Variants in DIAPH3 observed in about 807,000 individuals in gnomAD.
DIAPH3 encodes the protein diaphanous related formin 3.
DIAPH3 carries 117 observed loss-of-function variants against 144.3 expected under a neutral mutation model. That is an observed-to-expected ratio of 0.81 (90% CI 0.70 to 0.95). DIAPH3 has a LOEUF of 0.95. Ranked by LOEUF, DIAPH3 falls within the 40% of genes least tolerant of loss-of-function variation. The probability of loss-of-function intolerance (pLI) is 0.00; values close to 1 mark genes in which losing one functional copy is unlikely to be tolerated. For missense variants in DIAPH3, 1,421 were observed against 1,412.7 expected (o/e 1.01, Z -0.09); for synonymous variants, 519 against 488.9 (o/e 1.06, Z -0.81).
chr13:60,124,899 A>G (rs1373447788), intron 2 of DIAPH3, among the ~76,000 whole-genome samples: 1 of 152,012 alleles, frequency 6.6e-6, no homozygotes, highest in African/African-American at 2.4e-5. Context: ...CTCAGCGGAG[A>G]AAAGGATAGT....
chr13:59,789,723 G>A (rs79637781), intron 25 of DIAPH3, among the ~76,000 whole-genome samples: 11,866 of 152,114 alleles, frequency 0.078, 593 homozygotes, highest in South Asian at 0.18. Context: ...TGGAAGAAGG[G>A]GAAAATAAGG....
At chr13:59,771,208 A>G (rs972999304) in intron 27 of DIAPH3, among the ~76,000 whole-genome samples, 15 of 152,134 alleles carry the variant, frequency 9.9e-5, no homozygotes, top group Non-Finnish European at 2.1e-4. Flanking sequence ...GACTATAGCT[A>G]TGATTTAAGA....
In DIAPH3 at chr13:59,879,403, C is replaced by T; in HGVS notation, c.2433G>A (p.Glu811=). The T allele has an allele frequency of 6.2e-7, 1 of 1,613,866 alleles. No individual in the cohort carries two copies. The highest frequency in any genetic ancestry group is 8.5e-7 in the Non-Finnish European group (1 of 1,179,840). The change falls in exon 21 of 28, where the codon GAG becomes GAA. Residue 811 remains glutamate, a synonymous_variant. Coordinates refer to ENST00000400324, the MANE Select transcript of DIAPH3 (RefSeq NM_001042517.2). The stretch of plus-strand genomic sequence containing the variant: ...TGTCAGGTTTGATGTTGTTCACCTG[C>T]TCTTCAAACTGAAGCTTAAAGAGAA... ...SAILFKLQFE[E]QVNNIKPDIM...
Position 59,861,489 on chromosome 13 carries a change from G to A in DIAPH3, c.2655C>T (p.Phe885=). The part of the protein sequence containing the change: ...SADQKTTLLH[F]LVEICEEKYP... ...ACTTCTCTTCACATATTTCTACCAG[G>A]AAATGAAGTAGCGTTGTTTTCTGAT... The change falls in exon 22 of 28, where the codon TTC becomes TTT. Residue 885 remains phenylalanine (F), a synonymous_variant. Transcript: ENST00000400324. The A allele has an allele frequency of 6.2e-7, 1 of 1,613,678 alleles. No homozygotes were observed. The highest frequency in any genetic ancestry group is 8.5e-7 in the Non-Finnish European group (1 of 1,179,870).
chr13:59,791,368 T>C (rs2039315896), intron 25 of DIAPH3, among the ~76,000 whole-genome samples: 1 of 152,226 alleles, frequency 6.6e-6, no homozygotes, highest in Non-Finnish European at 1.5e-5. Flanking sequence ...TTTGATTGAA[T>C]GCCTATGTGC....
At chr13:59,819,972 T>C (rs576187560) in intron 24 of DIAPH3, among the ~76,000 whole-genome samples, 4 of 151,890 alleles carry the variant, frequency 2.6e-5, no homozygotes, top group African/African-American at 9.6e-5. Context: ...AAATAATGCA[T>C]GTAAATAGCT....
chr13:59,889,404 A>G (rs1200135151), intron 20 of DIAPH3, among the ~76,000 whole-genome samples: 1 of 152,072 alleles, frequency 6.6e-6, no homozygotes. Flanking sequence ...CCCACATACT[A>G]AAATTTTTAA....
intron 27 of DIAPH3, among the ~76,000 whole-genome samples, chr13:59,773,587 G>T (rs2038232618): frequency 6.6e-6 from 1 of 152,152 alleles, no homozygotes; most frequent in Non-Finnish European, 1.5e-5. Flanking sequence ...AACATGAAAT[G>T]GTACCCTGAA....
chr13:59,674,206 T>A (rs1177492211), intron 27 of DIAPH3, among the ~76,000 whole-genome samples: 1 of 152,250 alleles, frequency 6.6e-6, no homozygotes, highest in Non-Finnish European at 1.5e-5. Context: ...TATGATCATA[T>A]TACCTTTATA....
chr13:60,018,886 A>G (rs926250179), intron 5 of DIAPH3, among the ~76,000 whole-genome samples: 8 of 152,170 alleles, frequency 5.3e-5, no homozygotes, highest in Non-Finnish European at 1.5e-5. Context: ...AAAGCTAACA[A>G]AAGTACTTAC....
At chr13:59,882,499 G>A (rs932515450) in intron 20 of DIAPH3, among the ~76,000 whole-genome samples, 3 of 152,130 alleles carry the variant, frequency 2.0e-5, no homozygotes, top group Non-Finnish European at 4.4e-5. Context: ...CAATGTTTCC[G>A]CATCCTCACC....
intron 1 of DIAPH3, among the ~76,000 whole-genome samples, chr13:60,154,626 T>A (rs918810305): frequency 9.2e-5 from 14 of 152,196 alleles, no homozygotes; most frequent in African/African-American, 3.4e-4. Flanking sequence ...ACTATTCAAT[T>A]TGCTATTTGA....
At chr13:60,117,488 T>C (rs911536360) in intron 2 of DIAPH3, among the ~76,000 whole-genome samples, 4 of 152,076 alleles carry the variant, frequency 2.6e-5, no homozygotes, top group Admixed American at 6.5e-5. Flanking sequence ...TCGAATCTAA[T>C]GAATACCTGA....
At chr13:59,992,859 A>C (rs897942858) in intron 9 of DIAPH3, among the ~76,000 whole-genome samples, 6 of 151,580 alleles carry the variant, frequency 4.0e-5, no homozygotes, top group African/African-American at 1.2e-4. Context: ...AAAAAAAAAA[A>C]AAAACACTTG....
At chr13:60,066,755 A>G (rs1021625169) in intron 4 of DIAPH3, among the ~76,000 whole-genome samples, 3 of 152,242 alleles carry the variant, frequency 2.0e-5, no homozygotes, top group Non-Finnish European at 4.4e-5. Context: ...TGCCATATGA[A>G]TTTTAAACTG....
At chr13:60,101,522 T>C (rs1022601809) in intron 3 of DIAPH3, among the ~76,000 whole-genome samples, 2 of 124,104 alleles carry the variant, frequency 1.6e-5, no homozygotes, top group Non-Finnish European at 3.4e-5. Context: ...TTGCGATTTC[T>C]TTTTTTTTTT....
chr13:59,890,730 G>A (rs2045737884), intron 20 of DIAPH3, among the ~76,000 whole-genome samples: 1 of 151,790 alleles, frequency 6.6e-6, no homozygotes, highest in South Asian at 2.1e-4. Context: ...CTCTCCACAA[G>A]TTTTTCCAAT....
intron 17 of DIAPH3, among the ~76,000 whole-genome samples, chr13:59,952,003 C>T (rs2049122148): frequency 6.6e-6 from 1 of 152,170 alleles, no homozygotes. Context: ...AAGGCAGAAT[C>T]ACCCTAAATA....
At chr13:60,006,351 T>C (rs1221446578) in intron 9 of DIAPH3, among the ~76,000 whole-genome samples, 1 of 152,198 alleles carries the variant, frequency 6.6e-6, no homozygotes, top group East Asian at 1.9e-4. Flanking sequence ...CCTCATGTAA[T>C]GTAATACTGT....
Sources: gnomAD v4.1 joint callset for allele counts (sites outside exome capture counted in the v4.1 genomes callset) on GRCh38, gnomAD v4.1.1 for gene constraint, MANE v1.5 for transcripts, NCBI Gene and HGNC (gene_info 2026-07-23, HGNC 2026-07-21) for gene names.